Variants in C4orf51 observed in about 807,000 individuals in gnomAD.
C4orf51 encodes the protein uncharacterized protein C4orf51.
In C4orf51, 25 loss-of-function variants were observed where a neutral mutation model predicts 25.2. The ratio of observed to expected loss-of-function variants is 0.99; its 90% confidence interval spans 0.72 to 1.39. The LOEUF is 1.39. Among genes scored for constraint, C4orf51 ranks in the 40% most tolerant of loss-of-function variants. The pLI, the probability that C4orf51 is intolerant of heterozygous loss-of-function variation, is 0.00. For missense variants in C4orf51, 252 were observed against 239.6 expected, an observed-to-expected ratio of 1.05 and a Z score of -0.34; for synonymous variants, 100 against 84.5, an observed-to-expected ratio of 1.18 and a Z score of -1.01.
At chr4:145,726,834 T>C in intron 2 of C4orf51, 77 bp from the exon 3 acceptor site, 2 of 1,189,488 alleles carry the variant, frequency 1.7e-6, no homozygotes, top group Admixed American at 1.8e-5. Flanking sequence ...TTTGTGGTAA[T>C]AGCCTAATTG....
intron 1 of C4orf51, among the ~76,000 whole-genome samples, chr4:145,742,455 C>G (rs1387741293): frequency 1.3e-5 from 2 of 151,840 alleles, no homozygotes; most frequent in African/African-American, 4.8e-5. Context: ...TTTGCTCCAA[C>G]AAGTCTCATC....
At chr4:145,712,529 C>T (rs1731186497) in intron 2 of C4orf51, among the ~76,000 whole-genome samples, 1 of 152,164 alleles carries the variant, frequency 6.6e-6, no homozygotes, top group Non-Finnish European at 1.5e-5. Context: ...CAGAGAAAGG[C>T]CCTAACTCTC....
At chr4:145,772,092 C>T (rs1039929871), downstream of C4orf51, among the ~76,000 whole-genome samples, 1 of 152,136 alleles carries the variant, frequency 6.6e-6, no homozygotes, top group African/African-American at 2.4e-5. Context: ...ACATAGATTA[C>T]AGAAATAAGT....
chr4:145,761,156 G>C lies in C4orf51; in HGVS notation n.167-9832G>C. 3 of 1,289,862 alleles carry C rather than the reference G, an allele frequency of 2.3e-6. No individual in the cohort carries two copies. The highest frequency in any genetic ancestry group is 2.3e-5 in the Admixed American group (1 of 43,578). The allele number at this position is 1,289,862 out of a possible 1,614,324, so 79.9% of individuals were successfully genotyped here. On this transcript the variant is annotated intron_variant and non_coding_transcript_variant, in intron 1 of 1. Transcript: ENST00000510096. This position sits in a 1 kb window ranked among gnomAD's most constrained non-coding sequence, Gnocchi z 6.8. ...GGGCCGGCCGGTTCCTTGGGGGCTG[G>C]ACACAGGCCCTTCTTGTCCTCCTCG...
chr4:145,701,812 CTTTT>C (rs1730465436), intron 2 of C4orf51, among the ~76,000 whole-genome samples: 1 of 152,040 alleles, frequency 6.6e-6, no homozygotes, highest in Admixed American at 6.6e-5. Context: ...TTTATGCACT[CTTTT>C]TTAGTTATCC....
At chr4:145,704,580 G>A (rs1476288274) in intron 2 of C4orf51, among the ~76,000 whole-genome samples, 14 of 152,212 alleles carry the variant, frequency 9.2e-5, no homozygotes, top group Admixed American at 6.5e-4. Context: ...TCATTGGTCT[G>A]TGTGTCTGTT....
rs1478914190 is a variant in C4orf51 at position 145,729,229 on chromosome 4, T to C, written c.427T>C (p.Cys143Arg). Residue 143 changes from cysteine (C) to arginine (R), a missense_variant and splice_region_variant, in exon 4 of 6, where the codon TGT becomes CGT. Cys to Arg is a radical substitution (Grantham distance 180). Transcript: ENST00000438731. ...GACACCTCCAAATTATGGAAAATAC[T>C]GTAAGTCCCATCCTGAACTACTACT... ...FPTPPNYGKY[C>R]VRPKKPAQEA... 1.3e-6 allele frequency: 2 copies of C among 1,599,172 alleles called. No individual in the cohort carries two copies. The highest frequency in any genetic ancestry group is 1.3e-5 in the African/African-American group (1 of 74,630).
At chr4:145,744,637 C>T (rs1471031759) in intron 1 of C4orf51, among the ~76,000 whole-genome samples, 12 of 151,998 alleles carry the variant, frequency 7.9e-5, no homozygotes, top group African/African-American at 2.7e-4. Flanking sequence ...CTGGCTAACA[C>T]GGTAAAACCC....
Position 145,764,647 on chromosome 4 carries a change from T to C in C4orf51, n.167-6341T>C, listed in dbSNP as rs184976015. The C allele has an allele frequency of 1.3e-3, 359 of 281,126 alleles. 3 individuals carry two copies. Among genetic ancestry groups the C allele is most frequent in the African/African-American group, 7.4e-3 (338 of 45,392 alleles). 17.4% of individuals were successfully genotyped at this position (281,126 alleles called of 1,614,324 possible). A position where few individuals can be genotyped will look rare whatever the true frequency, so the allele number is the denominator to read the frequency against. ...ATCTCGGTCACAGTATGATTTATGC[T>C]TGGGGACACTAAGCCCTGAGTCCAT... On this transcript the variant is annotated intron_variant and non_coding_transcript_variant, in intron 1 of 1. Coordinates refer to the C4orf51 transcript ENST00000510096.
intron 2 of C4orf51, among the ~76,000 whole-genome samples, chr4:145,717,363 C>T (rs1184730106): frequency 6.6e-6 from 1 of 152,162 alleles, no homozygotes; most frequent in African/African-American, 2.4e-5. Flanking sequence ...CCCATATTGC[C>T]TTTTTCATTC....
chr4:145,789,661 A>G, the C4orf51 span, among the ~76,000 whole-genome samples: 4 of 152,230 alleles, frequency 2.6e-5, no homozygotes, highest in African/African-American at 9.6e-5. Context: ...GTCTGACTAC[A>G]AAGCCCATAC....
At chr4:145,760,472 A>C (rs1416856447) in intron 1 of C4orf51, 1 of 154,662 alleles carries the variant, frequency 6.5e-6, no homozygotes, top group Non-Finnish European at 1.4e-5. Flanking sequence ...CTTTCAGAGA[A>C]AAGTACGGAG....
the C4orf51 span, among the ~76,000 whole-genome samples, chr4:145,789,027 A>G: frequency 1.3e-5 from 2 of 152,232 alleles, no homozygotes; most frequent in Non-Finnish European, 1.5e-5. Context: ...ACATAGTTCT[A>G]GACAATGAGA....
At chr4:145,739,553 A>G (rs1289093678) in intron 1 of C4orf51, among the ~76,000 whole-genome samples, 1 of 152,234 alleles carries the variant, frequency 6.6e-6, no homozygotes, top group African/African-American at 2.4e-5. Context: ...TTCTTGAAAC[A>G]TAATCATTGA....
At chr4:145,779,905 T>C in the C4orf51 span, among the ~76,000 whole-genome samples, 5 of 152,202 alleles carry the variant, frequency 3.3e-5, no homozygotes, top group Non-Finnish European at 7.3e-5. Flanking sequence ...AATAAAGAAT[T>C]GTAGGCTGGG....
intron 2 of C4orf51, among the ~76,000 whole-genome samples, chr4:145,707,885 T>A (rs1007782763): frequency 3.3e-5 from 5 of 152,224 alleles, no homozygotes; most frequent in African/African-American, 9.6e-5. Context: ...GATGACAGTG[T>A]CTGATTTGGA....
downstream of C4orf51, among the ~76,000 whole-genome samples, chr4:145,733,040 G>A (rs1486859842): frequency 6.6e-6 from 1 of 152,164 alleles, no homozygotes; most frequent in East Asian, 1.9e-4. Context: ...TCGCGGGGGC[G>A]GGGGCGGCCT....
Position 145,729,166 on chromosome 4 carries a change from T to C in C4orf51, c.367-3T>C. ...TATTTATTTCTATCTCTCCTTTTTATAGGCACATCAAATTTGGGATTTTGG... is the reference window on the plus strand; with the variant it reads ...TATTTATTTCTATCTCTCCTTTTTACAGGCACATCAAATTTGGGATTTTGG... On this transcript the variant is annotated splice_region_variant and splice_polypyrimidine_tract_variant and intron_variant, in intron 3 of 5. Coordinates refer to ENST00000438731, the MANE Select transcript of C4orf51 (RefSeq NM_001080531.3). The C allele has an allele frequency of 6.3e-7, 1 of 1,589,092 alleles. No homozygotes were observed. The highest frequency in any genetic ancestry group is 8.6e-7 in the Non-Finnish European group (1 of 1,158,720).
intron 2 of C4orf51, among the ~76,000 whole-genome samples, chr4:145,726,559 C>T (rs978870817): frequency 6.6e-6 from 1 of 152,040 alleles, no homozygotes; most frequent in Non-Finnish European, 1.5e-5. Flanking sequence ...CACCATCACA[C>T]CCAGCTAATT....
Sources: gnomAD v4.1 joint callset for allele counts (sites outside exome capture counted in the v4.1 genomes callset) on GRCh38, gnomAD v4.1.1 for gene constraint, Gnocchi (gnomAD v3.1) non-coding constraint, MANE v1.5 for transcripts, NCBI Gene and HGNC (gene_info 2026-07-23, HGNC 2026-07-21) for gene names.